The following GNB4 variants were observed in gnomAD, a reference collection of about 807,000 sequenced individuals.
GNB4 encodes G protein subunit beta 4, also known as guanine nucleotide-binding protein subunit beta-4.
GNB4 carries 28 observed loss-of-function variants against 45.2 expected under a neutral mutation model. The observed-to-expected ratio is 0.62, with a 90% CI of 0.46 to 0.85. GNB4 has a LOEUF of 0.85. Ranked by LOEUF, GNB4 falls within the 40% of genes least tolerant of loss-of-function variation. The pLI is 0.00. For missense variants in GNB4, 321 were observed against 425.4 expected (o/e 0.75, Z 2.16); for synonymous variants, 132 against 143.7 (o/e 0.92, Z 0.58).
At chr3:179,439,096 A>G (rs1415508651) in intron 1 of GNB4, among the ~76,000 whole-genome samples, 1 of 152,130 alleles carries the variant, frequency 6.6e-6, no homozygotes, top group Non-Finnish European at 1.5e-5. Flanking sequence ...AGGACTACAG[A>G]CTCGGAAACC....
rs1167085253 is a variant in GNB4 at position 179,397,509 on chromosome 3, T to C, written c.*3704A>G. On this transcript the variant is annotated 3_prime_UTR_variant, in exon 10 of 10. Transcript: ENST00000232564. ...TACTACTATCATGCAATCGCTGAGG[T>C]CATATGAGTCTAAAATGAAGGGAAT... 6.6e-6 allele frequency: 1 copy of C among 152,426 alleles called. No homozygotes were observed. Among genetic ancestry groups the C allele is most frequent in the East Asian group, 1.9e-4 (1 of 5,200 alleles). The allele number at this position is 152,426 out of a possible 1,614,324, so 9.4% of individuals were successfully genotyped here. A position where few individuals can be genotyped will look rare whatever the true frequency, so the allele number is the denominator to read the frequency against.
At position 179,419,378 on chromosome 3, in the gene GNB4, CAGGT is replaced by C; in HGVS notation, c.203+17_203+20del. ...TAATTCTGCAACAGTTTAAAAATGA[CAGGT>C]AATGACAGGTACAAACCTGGAATCG... On this transcript the variant is annotated intron_variant, in intron 4 of 9. Coordinates refer to ENST00000232564, the MANE Select transcript of GNB4 (RefSeq NM_021629.4). 1 of 1,295,896 alleles carries C rather than the reference CAGGT, an allele frequency of 7.7e-7. No homozygotes were observed. Among genetic ancestry groups the C allele is most frequent in the Non-Finnish European group, 1.1e-6 (1 of 892,716 alleles). The allele number at this position is 1,295,896 out of a possible 1,614,324, so 80.3% of individuals were successfully genotyped here.
chr3:179,502,228 CTTTTTTTTTTT>C, the GNB4 span, among the ~76,000 whole-genome samples: 2 of 73,464 alleles, frequency 2.7e-5, no homozygotes, highest in African/African-American at 1.0e-4. Context: ...TTTTTCTTTT[CTTTTTTTTTTT>C]TTTTTTTTTT....
the GNB4 span, among the ~76,000 whole-genome samples, chr3:179,481,551 G>T: frequency 6.6e-6 from 1 of 151,742 alleles, no homozygotes; most frequent in African/African-American, 2.4e-5. Context: ...TATTGCCCAG[G>T]TGGGTCTTGA....
At chr3:179,499,553 C>T in the GNB4 span, among the ~76,000 whole-genome samples, 2 of 152,308 alleles carry the variant, frequency 1.3e-5, no homozygotes, top group East Asian at 1.9e-4. Context: ...AATAAACATA[C>T]GTGTACATGT....
the GNB4 span, among the ~76,000 whole-genome samples, chr3:179,474,992 G>T: frequency 6.6e-6 from 1 of 152,018 alleles, no homozygotes; most frequent in East Asian, 1.9e-4. Context: ...AGGTCGAGGG[G>T]GCCTGAATTT....
the GNB4 span, among the ~76,000 whole-genome samples, chr3:179,495,598 G>T: frequency 2.8e-4 from 42 of 151,262 alleles, no homozygotes; most frequent in Admixed American, 6.6e-4. Context: ...AGGGAGTCAG[G>T]GAGGGAGGGA....
the GNB4 span, among the ~76,000 whole-genome samples, chr3:179,477,067 T>A: frequency 6.6e-6 from 1 of 152,154 alleles, no homozygotes; most frequent in Non-Finnish European, 1.5e-5. Flanking sequence ...GAGCCTGTGA[T>A]GGTAGGGGCA....
At chr3:179,444,207 G>T (rs1163224390) in intron 1 of GNB4, among the ~76,000 whole-genome samples, 1 of 152,038 alleles carries the variant, frequency 6.6e-6, no homozygotes, top group African/African-American at 2.4e-5. Flanking sequence ...ACAGCCAGGA[G>T]GAGTCTGTGG....
At chr3:179,469,004 T>C in the GNB4 span, among the ~76,000 whole-genome samples, 1 of 152,192 alleles carries the variant, frequency 6.6e-6, no homozygotes, top group Non-Finnish European at 1.5e-5. Context: ...GACCCTTTCT[T>C]CTATGGATTC....
Position 179,401,174 on chromosome 3 carries a change from T to C in GNB4, c.*39A>G. On this transcript the variant is annotated 3_prime_UTR_variant, in exon 10 of 10. Coordinates refer to ENST00000232564, the MANE Select transcript of GNB4 (RefSeq NM_021629.4). ...AGCTATAGGCTGTAGCATTGATTTCTCCAGATATATCAATGGAGAACAAAT... is the reference window on the plus strand; with the variant it reads ...AGCTATAGGCTGTAGCATTGATTTCCCCAGATATATCAATGGAGAACAAAT... 7.0e-7 allele frequency: 1 copy of C among 1,429,896 alleles called. No individual in the cohort carries two copies. Among genetic ancestry groups the C allele is most frequent in the Admixed American group, 1.8e-5 (1 of 56,500 alleles). The allele number at this position is 1,429,896 out of a possible 1,614,324, so 88.6% of individuals were successfully genotyped here.
chr3:179,440,880 T>TAGATAGAGAGAGAGAGAG (rs1553769655), intron 1 of GNB4, among the ~76,000 whole-genome samples: 2 of 149,032 alleles, frequency 1.3e-5, no homozygotes, highest in African/African-American at 4.9e-5. Flanking sequence ...TATAGATAGA[T>TAGATAGAGAGAGAGAGAG]AGAGAGAGAG....
chr3:179,467,535 A>AT, the GNB4 span, among the ~76,000 whole-genome samples: 4 of 152,206 alleles, frequency 2.6e-5, no homozygotes, highest in African/African-American at 7.2e-5. Context: ...CAAGGTGTTA[A>AT]TGATCTAGTG....
the GNB4 span, among the ~76,000 whole-genome samples, chr3:179,494,411 G>C: frequency 6.6e-6 from 1 of 152,052 alleles, no homozygotes; most frequent in Non-Finnish European, 1.5e-5. Flanking sequence ...TGTGGCACAT[G>C]CCTGTAATCC....
chr3:179,454,575 G>A (rs1715950070), upstream of GNB4, among the ~76,000 whole-genome samples: 1 of 152,162 alleles, frequency 6.6e-6, no homozygotes, highest in South Asian at 2.1e-4. Context: ...TACTCAGTGA[G>A]CTACCCTGTA....
the GNB4 span, among the ~76,000 whole-genome samples, chr3:179,493,643 G>A: frequency 0.013 from 2,028 of 151,980 alleles, 41 homozygotes; most frequent in African/African-American, 0.047. Context: ...AGGAAAGGAG[G>A]AAAAGCTTAT....
chr3:179,458,751 A>T, the GNB4 span, among the ~76,000 whole-genome samples: 1 of 151,980 alleles, frequency 6.6e-6, no homozygotes, highest in Non-Finnish European at 1.5e-5. Context: ...TATTCTTTTT[A>T]TTGTTCTATT....
the GNB4 span, among the ~76,000 whole-genome samples, chr3:179,489,352 A>G: frequency 6.6e-6 from 1 of 152,032 alleles, no homozygotes; most frequent in Non-Finnish European, 1.5e-5. Context: ...TACAAGTTGC[A>G]TAATTCTTAC....
At chr3:179,416,283 C>T (rs1714796313) in intron 5 of GNB4, among the ~76,000 whole-genome samples, 1 of 151,766 alleles carries the variant, frequency 6.6e-6, no homozygotes, top group Non-Finnish European at 1.5e-5. Context: ...AAATATGAGC[C>T]CTCTAGTAAA....
Sources: gnomAD v4.1 joint callset for allele counts (sites outside exome capture counted in the v4.1 genomes callset) on GRCh38, gnomAD v4.1.1 for gene constraint, MANE v1.5 for transcripts, NCBI Gene and HGNC (gene_info 2026-07-23, HGNC 2026-07-21) for gene names.